RORA: variants seen among roughly 807,000 people sequenced by gnomAD.
The protein encoded by RORA is nuclear receptor ROR-alpha.
A neutral mutation model predicts 69.5 loss-of-function variants in RORA; 7 were observed. That is an observed-to-expected ratio of 0.10 (90% CI 0.06 to 0.19). The LOEUF (loss-of-function observed/expected upper bound fraction) is 0.19. Ranked by LOEUF, RORA falls within the 10% of genes least tolerant of loss-of-function variation. The pLI, the probability that RORA is intolerant of heterozygous loss-of-function variation, is 1.00. For missense variants in RORA, 457 were observed against 663.0 expected, an observed-to-expected ratio of 0.69 and a Z score of 3.41; for synonymous variants, 261 against 240.8, an observed-to-expected ratio of 1.08 and a Z score of -0.78.
intron 1 of RORA, among the ~76,000 whole-genome samples, chr15:60,712,220 T>C (rs1405378625): frequency 6.6e-6 from 1 of 152,188 alleles, no homozygotes; most frequent in Non-Finnish European, 1.5e-5. Context: ...ACATATTCTA[T>C]TTGGATTACA....
intron 2 of RORA, among the ~76,000 whole-genome samples, chr15:60,624,530 ATATATATATTTGCT>A (rs1402679566): frequency 5.9e-4 from 71 of 119,470 alleles, no homozygotes; most frequent in Non-Finnish European, 8.9e-4. Flanking sequence ...TATATATAGT[ATATATATATTTGCT>A]GTATATATAT....
At chr15:60,728,140 T>A (rs551242820) in intron 1 of RORA, among the ~76,000 whole-genome samples, 92 of 152,352 alleles carry the variant, frequency 6.0e-4, no homozygotes, top group African/African-American at 2.2e-3. Context: ...CTACTTCCCA[T>A]CCGGGTGACT....
At chr15:60,810,584 T>C (rs2072729580) in intron 1 of RORA, among the ~76,000 whole-genome samples, 1 of 152,192 alleles carries the variant, frequency 6.6e-6, no homozygotes, top group Non-Finnish European at 1.5e-5. Flanking sequence ...ACTCTTCAAT[T>C]TTTAATTTAT....
intron 1 of RORA, among the ~76,000 whole-genome samples, chr15:61,120,726 C>T (rs1314547601): frequency 4.6e-5 from 7 of 151,398 alleles, no homozygotes; most frequent in Non-Finnish European, 1.0e-4. Context: ...AAAACATACC[C>T]TACTTCAAAG....
At chr15:60,743,295 G>C (rs781221554) in intron 1 of RORA, among the ~76,000 whole-genome samples, 3 of 152,116 alleles carry the variant, frequency 2.0e-5, no homozygotes, top group African/African-American at 7.2e-5. Context: ...GATTACAGGC[G>C]TGAGCCACCG....
chr15:60,843,616 A>C (rs930668314), intron 1 of RORA, among the ~76,000 whole-genome samples: 4 of 152,168 alleles, frequency 2.6e-5, no homozygotes, highest in Admixed American at 2.6e-4. Context: ...TACAGTTGTC[A>C]GGAGGGGTCA....
At chr15:60,706,587 A>G (rs1379814375) in intron 1 of RORA, among the ~76,000 whole-genome samples, 1 of 152,200 alleles carries the variant, frequency 6.6e-6, no homozygotes, top group Non-Finnish European at 1.5e-5. Flanking sequence ...GTCTTGAGAG[A>G]GGGAAGTATT....
intron 1 of RORA, among the ~76,000 whole-genome samples, chr15:60,927,258 T>A (rs1484597681): frequency 6.6e-6 from 1 of 152,106 alleles, no homozygotes; most frequent in East Asian, 1.9e-4. Flanking sequence ...TTCTACAAAG[T>A]GAGAGTCCTA....
At chr15:60,945,515 A>G (rs761087420) in intron 1 of RORA, among the ~76,000 whole-genome samples, 10 of 152,218 alleles carry the variant, frequency 6.6e-5, no homozygotes, top group Admixed American at 1.3e-4. Flanking sequence ...TACCGAGAAC[A>G]GTGCTTGTTA....
chr15:60,841,408 G>A (rs1364016590), intron 1 of RORA, among the ~76,000 whole-genome samples: 1 of 152,170 alleles, frequency 6.6e-6, no homozygotes, highest in African/African-American at 2.4e-5. Context: ...GCCTGGCAGT[G>A]CCTACTGGCA....
chr15:61,152,151 G>C (rs111614384), intron 1 of RORA, among the ~76,000 whole-genome samples: 15 of 152,300 alleles, frequency 9.8e-5, no homozygotes, highest in African/African-American at 3.6e-4. Flanking sequence ...CGGAAAGGCA[G>C]TGGCAGGAAA....
chr15:60,716,138 T>C (rs1177320390), intron 1 of RORA, among the ~76,000 whole-genome samples: 3 of 152,202 alleles, frequency 2.0e-5, no homozygotes, highest in Admixed American at 6.5e-5. Flanking sequence ...ACACTTCTTA[T>C]AGTTGCCGAG....
chr15:60,652,429 G>T (rs1261214649), intron 2 of RORA, among the ~76,000 whole-genome samples: 3 of 152,136 alleles, frequency 2.0e-5, no homozygotes, highest in Non-Finnish European at 4.4e-5. Context: ...AAGAAATGAA[G>T]AAGTGAATAT....
chr15:60,986,076 G>T (rs1286803530), intron 1 of RORA, among the ~76,000 whole-genome samples: 2 of 152,144 alleles, frequency 1.3e-5, no homozygotes, highest in African/African-American at 4.8e-5. Flanking sequence ...ACATAAGTAG[G>T]TGGGACTAGA....
intron 1 of RORA, among the ~76,000 whole-genome samples, chr15:60,814,763 G>C (rs1283783900): frequency 6.6e-6 from 1 of 152,100 alleles, no homozygotes; most frequent in Admixed American, 6.5e-5. Flanking sequence ...TTCCTCCAAA[G>C]CACTGTCCTT....
chr15:60,793,735 G>A (rs775362249), intron 1 of RORA, among the ~76,000 whole-genome samples: 1 of 152,194 alleles, frequency 6.6e-6, no homozygotes, highest in Non-Finnish European at 1.5e-5. Context: ...GAGAATTTAT[G>A]AAACTTCAAA....
chr15:60,711,832 G>A (rs2071148196), intron 1 of RORA, among the ~76,000 whole-genome samples: 1 of 152,040 alleles, frequency 6.6e-6, no homozygotes, highest in South Asian at 2.1e-4. Context: ...AGACTTACTA[G>A]GAAAATCCAA....
rs76702781 is a variant in RORA, at chr15:60,810,002, T to C, written c.167-131316A>G. ...TTTTGTTTCTGGGCTGCTGTAAGGC[T>C]GTTGTGTTGTGATTTCTCTTTCTCA... On this transcript the variant is annotated intron_variant, in intron 1 of 10. Transcript: ENST00000335670. 2.2e-3 allele frequency among the ~76,000 whole-genome samples: 329 copies of C among 152,262 alleles called. 1 individual carries two copies. Among genetic ancestry groups the C allele is most frequent in the Non-Finnish European group, 3.8e-3 (257 of 68,006 alleles).
chr15:61,093,911 G>A (rs1030770107), intron 1 of RORA, among the ~76,000 whole-genome samples: 10 of 152,194 alleles, frequency 6.6e-5, no homozygotes, highest in African/African-American at 2.2e-4. Context: ...CCATGTCAAT[G>A]ACCTAAAGAA....
Sources: gnomAD v4.1 joint callset for allele counts (sites outside exome capture counted in the v4.1 genomes callset) on GRCh38, gnomAD v4.1.1 for gene constraint, MANE v1.5 for transcripts, NCBI Gene and HGNC (gene_info 2026-07-23, HGNC 2026-07-21) for gene names.